Variants in NRXN1 observed in about 807,000 individuals in gnomAD.
The protein encoded by NRXN1 is neurexin-1.
NRXN1 carries 39 observed loss-of-function variants against 150.9 expected under a neutral mutation model. The ratio of observed to expected loss-of-function variants is 0.26; its 90% CI spans 0.20 to 0.34. The LOEUF (loss-of-function observed/expected upper bound fraction) is 0.34, where lower values mean the gene tolerates loss of function less well. Ranked by LOEUF, NRXN1 falls within the 10% of genes least tolerant of loss-of-function variation. The pLI, the probability that NRXN1 is intolerant of heterozygous loss-of-function variation, is 1.00. For synonymous variants in NRXN1, 924 were observed against 757.0 expected, an observed-to-expected ratio of 1.22 and a Z score of -3.62; for missense variants, 1,815 against 1,949.9, an observed-to-expected ratio of 0.93 and a Z score of 1.30.
At chr2:50,153,658 C>T (rs1414475268) in intron 18 of NRXN1, among the ~76,000 whole-genome samples, 2 of 151,598 alleles carry the variant, frequency 1.3e-5, no homozygotes, top group Non-Finnish European at 3.0e-5. Context: ...TATGCAGTTG[C>T]TTTTGAATGT....
At chr2:50,722,037 A>G (rs899754126) in intron 5 of NRXN1, among the ~76,000 whole-genome samples, 1 of 152,142 alleles carries the variant, frequency 6.6e-6, no homozygotes, top group Non-Finnish European at 1.5e-5. Flanking sequence ...GGAGGTCTCT[A>G]GGCTCCCACT....
intron 21 of NRXN1, among the ~76,000 whole-genome samples, chr2:50,031,957 G>T (rs1278829776): frequency 6.6e-6 from 1 of 151,980 alleles, no homozygotes; most frequent in Non-Finnish European, 1.5e-5. Flanking sequence ...GAAATTGGAA[G>T]ACATGATTGC....
chr2:50,597,529 G>C (rs1454992017), intron 8 of NRXN1, among the ~76,000 whole-genome samples: 1 of 152,062 alleles, frequency 6.6e-6, no homozygotes, highest in Non-Finnish European at 1.5e-5. Flanking sequence ...GCATCTCAAT[G>C]TCCTGATGGT....
At chr2:50,070,515 A>G (rs1163822601) in intron 19 of NRXN1, among the ~76,000 whole-genome samples, 1 of 151,972 alleles carries the variant, frequency 6.6e-6, no homozygotes, top group Non-Finnish European at 1.5e-5. Context: ...TCACGCCTGT[A>G]ATCCCAGCAC....
At chr2:50,246,266 C>T (rs1281001202) in intron 17 of NRXN1, among the ~76,000 whole-genome samples, 1 of 151,838 alleles carries the variant, frequency 6.6e-6, no homozygotes, top group Non-Finnish European at 1.5e-5. Flanking sequence ...TTATTTTTAC[C>T]ACAGTCACTT....
intron 22 of NRXN1, 76 bp downstream of exon 22, chr2:49,943,628 A>C: frequency 1.1e-6 from 1 of 924,224 alleles, no homozygotes; most frequent in South Asian, 1.4e-5. Context: ...CATGAATATA[A>C]GGCCCTTCTA....
chr2:50,210,255 A>T (rs1428781294), intron 18 of NRXN1, among the ~76,000 whole-genome samples: 1 of 151,934 alleles, frequency 6.6e-6, no homozygotes. Context: ...TATAAAAATA[A>T]CAACTCATCA....
At chr2:49,962,618 G>C (rs78200260) in intron 21 of NRXN1, among the ~76,000 whole-genome samples, 5,733 of 152,158 alleles carry the variant, frequency 0.038, 350 homozygotes, top group African/African-American at 0.13. Flanking sequence ...ATGCAATGAT[G>C]GAGAGTAACA....
intron 5 of NRXN1, among the ~76,000 whole-genome samples, chr2:50,722,339 T>A (rs573944095): frequency 5.3e-5 from 8 of 152,076 alleles, no homozygotes; most frequent in African/African-American, 1.9e-4. Context: ...ATGAGCAGAG[T>A]ACTAAGAGAT....
chr2:50,737,241 A>T (rs1698875961), intron 5 of NRXN1, among the ~76,000 whole-genome samples: 1 of 152,190 alleles, frequency 6.6e-6, no homozygotes, highest in South Asian at 2.1e-4. Flanking sequence ...TGTTGGTGCT[A>T]ATTTCTGAAC....
intron 2 of NRXN1, among the ~76,000 whole-genome samples, chr2:50,931,992 G>A (rs565940299): frequency 6.6e-6 from 1 of 151,972 alleles, no homozygotes; most frequent in African/African-American, 2.4e-5. Flanking sequence ...CTCCCACGTA[G>A]CTGGGATTAC....
At chr2:50,544,645 G>A (rs969142885) in intron 9 of NRXN1, among the ~76,000 whole-genome samples, 2 of 152,054 alleles carry the variant, frequency 1.3e-5, no homozygotes, top group Admixed American at 6.6e-5. Flanking sequence ...TTCAATAACT[G>A]TAGATAAGAA....
intron 20 of NRXN1, among the ~76,000 whole-genome samples, chr2:50,054,715 A>G (rs1257085889): frequency 6.6e-6 from 1 of 152,196 alleles, no homozygotes; most frequent in Non-Finnish European, 1.5e-5. Context: ...TATATTTAAC[A>G]GTCCCTTTAA....
intron 12 of NRXN1, among the ~76,000 whole-genome samples, chr2:50,527,338 C>A (rs1455299931): frequency 6.6e-6 from 1 of 152,028 alleles, no homozygotes; most frequent in African/African-American, 2.4e-5. Flanking sequence ...AAATGTATAT[C>A]CTTTTAGGAA....
At chr2:50,045,802 C>T (rs1371030614) in intron 21 of NRXN1, among the ~76,000 whole-genome samples, 3 of 151,992 alleles carry the variant, frequency 2.0e-5, no homozygotes, top group African/African-American at 4.8e-5. Flanking sequence ...AGAAAATTCC[C>T]ACTGAAATCA....
intron 2 of NRXN1, among the ~76,000 whole-genome samples, chr2:51,017,440 A>G (rs982560098): frequency 5.5e-5 from 8 of 146,312 alleles, no homozygotes; most frequent in African/African-American, 1.8e-4. Context: ...GGATCAAGCA[A>G]TCTTCACACC....
intron 21 of NRXN1, among the ~76,000 whole-genome samples, chr2:49,946,743 C>T (rs923110545): frequency 7.2e-5 from 11 of 151,942 alleles, no homozygotes; most frequent in Admixed American, 2.0e-4. Flanking sequence ...CAAAAAAGAG[C>T]CCATATAGCC....
Position 50,276,889 on chromosome 2 carries a change from T to C in NRXN1, c.3365-39919A>G, listed in dbSNP as rs147574168. Among the ~76,000 whole-genome samples, 18 of 152,286 alleles carry C rather than the reference T, an allele frequency of 1.2e-4. No individual in the cohort carries two copies. The East Asian group carries it at 2.5e-3, about 21-fold the overall frequency. ...AAAGTAGCCAAATAAAAATGGGCTA[T>C]AAATGAGGTCTCTTTGGCCATTTCA... On this transcript the variant is annotated intron_variant, in intron 17 of 22. Coordinates refer to ENST00000401669, the MANE Select transcript of NRXN1 (RefSeq NM_001330078.2).
intron 8 of NRXN1, among the ~76,000 whole-genome samples, chr2:50,618,399 C>G (rs73933004): frequency 0.019 from 2,849 of 152,198 alleles, 93 homozygotes; most frequent in East Asian, 0.13. Flanking sequence ...AATCAAATAA[C>G]TGTGTTAAAT....
Sources: gnomAD v4.1 joint callset for allele counts (sites outside exome capture counted in the v4.1 genomes callset) on GRCh38, gnomAD v4.1.1 for gene constraint, MANE v1.5 for transcripts, NCBI Gene and HGNC (gene_info 2026-07-23, HGNC 2026-07-21) for gene names.